BBX: variants seen among roughly 807,000 people sequenced by gnomAD.
BBX encodes HMG box transcription factor BBX.
Under a neutral mutation model 100.2 loss-of-function variants are expected in BBX, and 30 were observed. The observed-to-expected ratio is 0.30, with a 90% CI of 0.22 to 0.41. The LOEUF (loss-of-function observed/expected upper bound fraction) is 0.41, where lower values mean the gene tolerates loss of function less well. Ranked by LOEUF, BBX falls within the 10% of genes least tolerant of loss-of-function variation. The pLI, the probability that BBX is intolerant of heterozygous loss-of-function variation, is 1.00. For synonymous variants in BBX, 376 were observed against 388.1 expected (o/e 0.97, Z 0.37); for missense variants, 1,023 against 1,129.8 (o/e 0.91, Z 1.35).
At chr3:107,796,319 C>G (rs1162417656) in intron 15 of BBX, among the ~76,000 whole-genome samples, 4 of 152,162 alleles carry the variant, frequency 2.6e-5, no homozygotes, top group Non-Finnish European at 5.9e-5. Flanking sequence ...GCAGTCAGTT[C>G]TAATGTAAGA....
At chr3:107,678,695 C>T (rs2059412092) in intron 3 of BBX, among the ~76,000 whole-genome samples, 1 of 152,008 alleles carries the variant, frequency 6.6e-6, no homozygotes, top group Non-Finnish European at 1.5e-5. Context: ...TACTGCACTT[C>T]AGCCTCGGCA....
intron 3 of BBX, among the ~76,000 whole-genome samples, chr3:107,646,639 T>G (rs1415469726): frequency 6.6e-6 from 1 of 152,146 alleles, no homozygotes; most frequent in African/African-American, 2.4e-5. Flanking sequence ...GCTTTACTGG[T>G]ATCTGAATAC....
intron 10 of BBX, among the ~76,000 whole-genome samples, chr3:107,760,729 T>G (rs1180255315): frequency 6.6e-6 from 1 of 152,100 alleles, no homozygotes; most frequent in Admixed American, 6.5e-5. Context: ...GATGATGGTT[T>G]TCAATCAAGG....
intron 2 of BBX, among the ~76,000 whole-genome samples, chr3:107,639,518 C>A (rs1183077214): frequency 2.0e-5 from 3 of 152,180 alleles, no homozygotes; most frequent in African/African-American, 7.2e-5. Context: ...GATGTAGCTG[C>A]TGGCAAACAT....
chr3:107,586,907 T>A (rs496718), intron 2 of BBX, among the ~76,000 whole-genome samples: 12,123 of 151,970 alleles, frequency 0.08, 682 homozygotes, highest in Non-Finnish European at 0.12. Context: ...CATGCCACCA[T>A]GTCCAGCTAA....
chr3:107,712,026 C>A (rs537946752), intron 4 of BBX, among the ~76,000 whole-genome samples: 1 of 152,270 alleles, frequency 6.6e-6, no homozygotes, highest in South Asian at 2.1e-4. Context: ...CAGGCACACA[C>A]CACTAAGCCC....
chr3:107,569,779 T>A (rs961497971), intron 2 of BBX, among the ~76,000 whole-genome samples: 1 of 152,220 alleles, frequency 6.6e-6, no homozygotes, highest in South Asian at 2.1e-4. Flanking sequence ...AAGAAGGTAA[T>A]GTGGAGTGGG....
Position 107,798,588 on chromosome 3 carries a change from T to C in BBX, c.2419T>C (p.Phe807Leu). ...TAAGGTTAAAAATATCCCATCCATT[T>C]TCAACACTCCAGAGCCAACAACAAC... ...VHKVKNIPSIFNTPEPTTTQE... is the reference protein window; with the variant it reads ...VHKVKNIPSILNTPEPTTTQE... The change falls in exon 16 of 18, where the codon TTC (phenylalanine) becomes CTC (leucine). Residue 807 changes from phenylalanine to leucine, a missense_variant. Coordinates refer to ENST00000325805, the MANE Select transcript of BBX (RefSeq NM_001142568.3). 8 of 1,614,038 alleles carry C rather than the reference T, an allele frequency of 5.0e-6. No homozygotes were observed. Among genetic ancestry groups the C allele is most frequent in the Non-Finnish European group, 6.8e-6 (8 of 1,179,992 alleles).
chr3:107,639,475 C>T (rs559317769), intron 2 of BBX, among the ~76,000 whole-genome samples: 1 of 152,158 alleles, frequency 6.6e-6, no homozygotes, highest in Non-Finnish European at 1.5e-5. Flanking sequence ...TGAATCTTCC[C>T]AAAGATCCTG....
chr3:107,647,139 CA>C (rs2107791508), intron 3 of BBX, among the ~76,000 whole-genome samples: 1 of 152,164 alleles, frequency 6.6e-6, no homozygotes, highest in East Asian at 1.9e-4. Flanking sequence ...AGCCAGAATA[CA>C]GTTAATTATG....
At chr3:107,694,546 C>T (rs879268412) in intron 3 of BBX, among the ~76,000 whole-genome samples, 11 of 145,138 alleles carry the variant, frequency 7.6e-5, no homozygotes, top group Non-Finnish European at 1.2e-4. Flanking sequence ...GGATGAAGCC[C>T]ACTTGATCAT....
At chr3:107,593,242 T>C (rs915362832) in intron 2 of BBX, among the ~76,000 whole-genome samples, 2 of 152,230 alleles carry the variant, frequency 1.3e-5, no homozygotes, top group African/African-American at 4.8e-5. Context: ...AAATTTTAAG[T>C]GATCATGACC....
chr3:107,670,358 A>G (rs2058956797), intron 3 of BBX, among the ~76,000 whole-genome samples: 1 of 152,152 alleles, frequency 6.6e-6, no homozygotes, highest in African/African-American at 2.4e-5. Flanking sequence ...GTTCTAGTGT[A>G]ATACTGCTGT....
intron 2 of BBX, among the ~76,000 whole-genome samples, chr3:107,627,182 C>T (rs933841748): frequency 1.3e-5 from 2 of 152,130 alleles, no homozygotes; most frequent in Admixed American, 6.6e-5. Flanking sequence ...CTTATCTTAC[C>T]GGATTACTGT....
At chr3:107,803,706 C>A (rs1157438167) in intron 17 of BBX, among the ~76,000 whole-genome samples, 1 of 152,134 alleles carries the variant, frequency 6.6e-6, no homozygotes, top group East Asian at 1.9e-4. Context: ...CCAATTTGTG[C>A]CCAAGTCAAG....
At chr3:107,687,809 C>G (rs935534930) in intron 3 of BBX, among the ~76,000 whole-genome samples, 1 of 152,162 alleles carries the variant, frequency 6.6e-6, no homozygotes. Flanking sequence ...AATCCCAGCA[C>G]TTTGGGAGGC....
chr3:107,784,726 C>G (rs919067067), intron 13 of BBX, among the ~76,000 whole-genome samples: 1 of 151,660 alleles, frequency 6.6e-6, no homozygotes, highest in African/African-American at 2.4e-5. Context: ...AATAAGTAGC[C>G]TAGCCTTCTA....
At chr3:107,630,541 T>A (rs146084877) in intron 2 of BBX, among the ~76,000 whole-genome samples, 135 of 152,222 alleles carry the variant, frequency 8.9e-4, no homozygotes, top group Non-Finnish European at 1.6e-3. Flanking sequence ...ACCCAGTGAG[T>A]TTGCCATTTC....
At chr3:107,657,386 T>C (rs2058209010) in intron 3 of BBX, among the ~76,000 whole-genome samples, 1 of 152,214 alleles carries the variant, frequency 6.6e-6, no homozygotes, top group Non-Finnish European at 1.5e-5. Context: ...ACTTGATTCC[T>C]ACTACTATTT....
Sources: allele counts gnomAD v4.1 joint callset (sites outside exome capture counted in the v4.1 genomes callset), GRCh38; gene constraint gnomAD v4.1.1; transcripts MANE v1.5; gene names NCBI Gene and HGNC (gene_info 2026-07-23, HGNC 2026-07-21).